YEATS2: variants seen among roughly 807,000 people sequenced by gnomAD.
The protein encoded by YEATS2 is YEATS domain containing 2, also known as YEATS domain-containing protein 2.
In YEATS2, 77 loss-of-function variants were observed where a neutral mutation model predicts 163.2. That is an observed-to-expected ratio of 0.47 (90% confidence interval 0.39 to 0.57). The LOEUF (loss-of-function observed/expected upper bound fraction) is 0.57, where lower values mean the gene tolerates loss of function less well. Ranked by LOEUF, YEATS2 falls within the 20% of genes least tolerant of loss-of-function variation. The probability of loss-of-function intolerance (pLI) is 0.00; values close to 1 mark genes in which losing one functional copy is unlikely to be tolerated. For synonymous variants in YEATS2, 631 were observed against 645.1 expected (o/e 0.98, Z 0.33); for missense variants, 1,549 against 1,729.8 (o/e 0.90, Z 1.85).
intron 8 of YEATS2, 34 bp from the exon 9 acceptor site, chr3:183,747,638 G>A: frequency 6.3e-7 from 1 of 1,597,900 alleles, no homozygotes; most frequent in South Asian, 1.1e-5. Context: ...TAAGTGCAGT[G>A]AAATTTAACA....
intron 15 of YEATS2, among the ~76,000 whole-genome samples, chr3:183,767,624 G>T (rs1722036243): frequency 6.6e-6 from 1 of 152,030 alleles, no homozygotes; most frequent in African/African-American, 2.4e-5. Flanking sequence ...CTTGTGATCT[G>T]CCCGCCTTGG....
chr3:183,704,489 A>G (rs1479460281), intron 1 of YEATS2, among the ~76,000 whole-genome samples: 1 of 152,092 alleles, frequency 6.6e-6, no homozygotes. Context: ...TTGAGTCATG[A>G]GTTATTAGAA....
intron 1 of YEATS2, among the ~76,000 whole-genome samples, chr3:183,712,501 G>A (rs903682513): frequency 3.3e-5 from 5 of 151,606 alleles, no homozygotes; most frequent in African/African-American, 1.2e-4. Flanking sequence ...GTGAGTTACC[G>A]CAGCCAGCCT....
chr3:183,721,529 TA>T (rs1716490481), intron 4 of YEATS2, among the ~76,000 whole-genome samples: 1 of 152,246 alleles, frequency 6.6e-6, no homozygotes, highest in East Asian at 1.9e-4. Context: ...TTTGTATTTT[TA>T]TATTTCTTTC....
intron 8 of YEATS2, among the ~76,000 whole-genome samples, chr3:183,738,153 C>T (rs181280883): frequency 3.6e-4 from 55 of 152,276 alleles, no homozygotes; most frequent in African/African-American, 1.3e-3. Flanking sequence ...TTCCCCATCT[C>T]ATTCCCTCTT....
At chr3:183,785,029 C>T (rs1364809576) in intron 19 of YEATS2, among the ~76,000 whole-genome samples, 4 of 151,354 alleles carry the variant, frequency 2.6e-5, no homozygotes, top group Admixed American at 1.3e-4. Flanking sequence ...GCCAAGATCG[C>T]ACCACTGCAC....
At chr3:183,806,717 C>A in intron 27 of YEATS2, 149 bp from the exon 28 acceptor site, 1 of 732,038 alleles carries the variant, frequency 1.4e-6, no homozygotes, top group Non-Finnish European at 2.2e-6. Flanking sequence ...TAGTTCTCAT[C>A]ATTATAGATC....
Position 183,772,459 on chromosome 3 carries a change from T to C in YEATS2, c.2102T>C (p.Ile701Thr), listed in dbSNP as rs757489511. Residue 701 changes from isoleucine to threonine, a missense_variant, in exon 16 of 31, where the codon ATT becomes ACT. Physicochemically the swap from Ile to Thr is moderately conservative, Grantham distance 89. Transcript: ENST00000305135. ...GTAACCCAAGGAGTTGCCAAAGCAA[T>C]TGTGAGTGGAGGTGGAGGAACCATT... ...QVVTQGVAKA[I>T]VSGGGGTIVA... 1 of 1,613,992 alleles carries C rather than the reference T, an allele frequency of 6.2e-7. No homozygotes were observed. The highest frequency in any genetic ancestry group is 1.3e-5 in the African/African-American group (1 of 74,982).
chr3:183,799,478 T>G (rs1448125206), intron 23 of YEATS2, among the ~76,000 whole-genome samples: 1 of 152,172 alleles, frequency 6.6e-6, no homozygotes, highest in Admixed American at 6.6e-5. Context: ...CAGACTCAGC[T>G]TCCCCTTTGG....
intron 7 of YEATS2, among the ~76,000 whole-genome samples, chr3:183,733,110 C>T (rs1717978957): frequency 6.6e-6 from 1 of 152,216 alleles, no homozygotes; most frequent in Non-Finnish European, 1.5e-5. Context: ...GGATTACAGG[C>T]GTGAGCCTTG....
chr3:183,768,891 G>A (rs962976848), intron 15 of YEATS2, among the ~76,000 whole-genome samples: 3 of 152,198 alleles, frequency 2.0e-5, no homozygotes, highest in Non-Finnish European at 2.9e-5. Flanking sequence ...AGAATTGCTT[G>A]AACCCAGGAG....
chr3:183,739,431 A>C (rs1718717740), intron 8 of YEATS2, among the ~76,000 whole-genome samples: 2 of 99,122 alleles, frequency 2.0e-5, no homozygotes, highest in African/African-American at 4.0e-5. Context: ...GGAGAACTAC[A>C]AACCACTGCT....
In YEATS2 at chr3:183,752,181, C is replaced by G. The variant is rs750494239; in HGVS notation, c.1078C>G (p.Pro360Ala). 6.2e-7 allele frequency: 1 copy of G among 1,614,162 alleles called. No homozygotes were observed. The highest frequency in any genetic ancestry group is 1.1e-5 in the South Asian group (1 of 91,082). ...DAPPSLPLTI[P>A]APVKASSPIK... Reference sequence around the variant, plus strand: ...CCCTCCATCTTTGCCTTTGACCATTCCAGCCCCAGTGAAAGCTTCTTCACC... The same window carrying G: ...CCCTCCATCTTTGCCTTTGACCATTGCAGCCCCAGTGAAAGCTTCTTCACC... The change falls in exon 10 of 31, where the codon CCA (proline) becomes GCA (alanine). Residue 360 changes from proline to alanine, a missense_variant. Physicochemically the swap from Pro to Ala is conservative, Grantham distance 27 (BLOSUM62 -1). Transcript: ENST00000305135.
At chr3:183,752,007 C>G in intron 9 of YEATS2, 66 bp from the exon 10 acceptor site, 1 of 1,560,060 alleles carries the variant, frequency 6.4e-7, no homozygotes, top group Non-Finnish European at 8.8e-7. Flanking sequence ...CATTCTTGGA[C>G]GGGACTTGAG....
At chr3:183,750,880 T>G (rs1720088331) in intron 9 of YEATS2, among the ~76,000 whole-genome samples, 1 of 152,226 alleles carries the variant, frequency 6.6e-6, no homozygotes, top group Non-Finnish European at 1.5e-5. Context: ...AAATATTTAC[T>G]TCCATTCCGT....
At chr3:183,777,458 G>A (rs1453858353) in intron 18 of YEATS2, 84 bp from the exon 19 acceptor site, 23 of 1,431,526 alleles carry the variant, frequency 1.6e-5, no homozygotes, top group Admixed American at 2.2e-5. Context: ...AACATGGGAC[G>A]TTACATGTGA....
intron 11 of YEATS2, among the ~76,000 whole-genome samples, chr3:183,755,657 G>A (rs1376884685): frequency 2.6e-5 from 4 of 150,966 alleles, no homozygotes; most frequent in African/African-American, 9.7e-5. Context: ...ATTCTGGGTA[G>A]GTGAATTTCA....
At chr3:183,749,658 GAGAA>G (rs1719950843) in intron 9 of YEATS2, among the ~76,000 whole-genome samples, 1 of 151,708 alleles carries the variant, frequency 6.6e-6, no homozygotes, top group Admixed American at 6.6e-5. Context: ...ATTTATTTTT[GAGAA>G]AGAGTCTTGC....
chr3:183,809,016 G>A (rs1350766553), intron 29 of YEATS2, 81 bp from the exon 30 acceptor site: 2 of 1,435,460 alleles, frequency 1.4e-6, no homozygotes, highest in African/African-American at 1.4e-5. Flanking sequence ...AAACATTTGG[G>A]GTAAGGGATG....
Sources: allele counts gnomAD v4.1 joint callset (sites outside exome capture counted in the v4.1 genomes callset), GRCh38; gene constraint gnomAD v4.1.1; transcripts MANE v1.5; gene names NCBI Gene and HGNC (gene_info 2026-07-23, HGNC 2026-07-21).